The following ZAR1 variants were observed in gnomAD, a reference collection of about 807,000 sequenced individuals.
ZAR1 encodes the protein zygote arrest protein 1.
In ZAR1, 37 loss-of-function variants were observed where a neutral mutation model predicts 38.3. That is an observed-to-expected ratio of 0.97 (90% CI 0.74 to 1.27). The LOEUF (loss-of-function observed/expected upper bound fraction) is 1.27. Ranked by LOEUF, ZAR1 falls within the 50% of genes most tolerant of loss-of-function variation. The pLI, the probability that ZAR1 is intolerant of heterozygous loss-of-function variation, is 0.00. For missense variants in ZAR1, 651 were observed against 632.4 expected, an observed-to-expected ratio of 1.03 and a Z score of -0.32; for synonymous variants, 336 against 292.0, an observed-to-expected ratio of 1.15 and a Z score of -1.53.
Position 48,491,062 on chromosome 4 carries a change from C to T in ZAR1, c.771C>T (p.Ala257=), listed in dbSNP as rs975117399. ...AAVRASWEQP[A]DGPELPPREA... ...TCCGAGCGAGCTGGGAGCAGCCGGC[C>T]GACGGTCCCGAGCTGCCGCCGCGAG... Residue 257 remains alanine, a synonymous_variant, in exon 1 of 4, where the codon GCC becomes GCT. Transcript: ENST00000327939. The T allele has an allele frequency of 6.0e-6, 8 of 1,330,004 alleles. No individual in the cohort carries two copies. The highest frequency in any genetic ancestry group is 1.5e-5 in the African/African-American group (1 of 64,932). 82.4% of individuals were successfully genotyped at this position (1,330,004 alleles called of 1,614,324 possible). A position where few individuals can be genotyped will look rare whatever the true frequency, so the allele number is the denominator to read the frequency against.
At position 48,490,470 on chromosome 4, in the gene ZAR1, C is replaced by G; in HGVS notation, c.179C>G (p.Ser60Trp). ...TCCCCCTGCTCGGCGGGCGCGGCCT[C>G]GTTGTCCTTCCCGGGCTGCGGGCGG... ...ASSPCSAGAA[S>W]LSFPGCGRLT... Residue 60 changes from serine (S) to tryptophan (W), a missense_variant, in exon 1 of 4, where the codon TCG (serine) becomes TGG (tryptophan). By Grantham distance (177) the Ser-to-Trp change is radical (BLOSUM62 -3). This residue lies in a region of ZAR1 where 522 missense variants were observed against 459.9 expected (regional missense o/e 1.14). Coordinates refer to ENST00000327939, the MANE Select transcript of ZAR1 (RefSeq NM_175619.3). 1 of 1,469,398 alleles carries G rather than the reference C, an allele frequency of 6.8e-7. No homozygotes were observed. The highest frequency in any genetic ancestry group is 2.9e-5 in the East Asian group (1 of 34,104). 91.0% of individuals were successfully genotyped at this position (1,469,398 alleles called of 1,614,324 possible). A position where few individuals can be genotyped will look rare whatever the true frequency, so the allele number is the denominator to read the frequency against.
Position 48,494,367 on chromosome 4 carries a change from C to T in ZAR1, c.*123C>T, listed in dbSNP as rs1718529805. On this transcript the variant is annotated 3_prime_UTR_variant, in exon 4 of 4. Transcript: ENST00000327939. ...AGGCAGTGTATTCTGAAAAAGCCTT[C>T]AAATAAAGGTATTGCAACACGATTT... 7.9e-7 allele frequency: 1 copy of T among 1,272,564 alleles called. No individual in the cohort carries two copies. The highest frequency in any genetic ancestry group is 1.5e-5 in the African/African-American group (1 of 67,120). 78.8% of individuals were successfully genotyped at this position (1,272,564 alleles called of 1,614,324 possible).
rs1468571120 is a variant in ZAR1 at position 48,494,346 on chromosome 4, A to T, written c.*102A>T. 1 of 1,455,312 alleles carries T rather than the reference A, an allele frequency of 6.9e-7. No homozygotes were observed. Among genetic ancestry groups the T allele is most frequent in the Non-Finnish European group, 9.4e-7 (1 of 1,060,856 alleles). 90.1% of individuals were successfully genotyped at this position (1,455,312 alleles called of 1,614,324 possible). A position where few individuals can be genotyped will look rare whatever the true frequency, so the allele number is the denominator to read the frequency against. On this transcript the variant is annotated 3_prime_UTR_variant, in exon 4 of 4. Coordinates refer to ENST00000327939, the MANE Select transcript of ZAR1 (RefSeq NM_175619.3). ...CTTCTCAAAATACTTCATGAAAGGCAGTGTATTCTGAAAAAGCCTTCAAAT... is the reference window on the plus strand; with the variant it reads ...CTTCTCAAAATACTTCATGAAAGGCTGTGTATTCTGAAAAAGCCTTCAAAT...
Position 48,490,298 on chromosome 4 carries a change from G to A in ZAR1, c.7G>A (p.Ala3Thr). The change falls in exon 1 of 4, where the codon GCC (alanine) becomes ACC (threonine). Residue 3 changes from alanine (A) to threonine (T), a missense_variant. By Grantham distance (58) the Ala-to-Thr change is moderately conservative. Coordinates refer to ENST00000327939, the MANE Select transcript of ZAR1 (RefSeq NM_175619.3). ...GGGCGGGAGCAGTGCGCCCATGGCG[G>A]CCCTGGGGGACGAGGTGCTGGACGG... MA[A>T]LGDEVLDGYV... is the part of the protein sequence containing the mutation. 1 of 1,503,564 alleles carries A rather than the reference G, an allele frequency of 6.7e-7. No homozygotes were observed. The highest frequency in any genetic ancestry group is 8.8e-7 in the Non-Finnish European group (1 of 1,132,548). The allele number at this position is 1,503,564 out of a possible 1,614,324, so 93.1% of individuals were successfully genotyped here. A position where few individuals can be genotyped will look rare whatever the true frequency, so the allele number is the denominator to read the frequency against.
rs781073506 is a variant in ZAR1 at position 48,490,735 on chromosome 4, C to T, written c.444C>T (p.Gly148=). The change falls in exon 1 of 4, where the codon GGC becomes GGT. Residue 148 remains glycine, a synonymous_variant. Transcript: ENST00000327939. ...CCGGGGCCGAGGGCACCACGGGTGG[C>T]GGCTCTTTCTCCCAGCAGCCATCCC... ...AGPGAEGTTG[G]GSFSQQPSRR... The T allele has an allele frequency of 7.2e-7, 1 of 1,379,804 alleles. No homozygotes were observed. The highest frequency in any genetic ancestry group is 3.0e-5 in the East Asian group (1 of 33,452). The allele number at this position is 1,379,804 out of a possible 1,614,324, so 85.5% of individuals were successfully genotyped here. A position where few individuals can be genotyped will look rare whatever the true frequency, so the allele number is the denominator to read the frequency against.
In ZAR1 at chr4:48,491,093, C is replaced by T. The variant is rs750964713; in HGVS notation, c.802C>T (p.Gln268Ter). Residue 268 changes from glutamine (Q) to a stop codon, truncating the protein, a stop_gained, in exon 1 of 4, where the codon CAG (glutamine) becomes TAG (stop). Transcript: ENST00000327939. LOFTEE classifies it high-confidence loss of function. ...TCCCGAGCTGCCGCCGCGAGAGGCC[C>T]AGGAGGGCGAGGCGGCTCCGCGGTC... ...DGPELPPREA[Q>*]EGEAAPRSAL... is the part of the protein sequence containing the mutation. The T allele has an allele frequency of 3.1e-6, 4 of 1,286,982 alleles. No individual in the cohort carries two copies. Among genetic ancestry groups the T allele is most frequent in the Admixed American group, 8.4e-5 (2 of 23,754 alleles). 79.7% of individuals were successfully genotyped at this position (1,286,982 alleles called of 1,614,324 possible).
Position 48,491,707 on chromosome 4 carries a change from G to A in ZAR1, c.963+453G>A, listed in dbSNP as rs545470075. ...CCTTCAACTGCTGGGATTCTGGTCA[G>A]CAATTCTGATTTCTCCTTTACGAGC... On this transcript the variant is annotated intron_variant, in intron 1 of 3. Coordinates refer to ENST00000327939, the MANE Select transcript of ZAR1 (RefSeq NM_175619.3). Among the ~76,000 whole-genome samples the A allele has an allele frequency of 7.1e-4, 108 of 152,214 alleles. 1 individual carries two copies. The highest frequency in any genetic ancestry group is 1.4e-3 in the Non-Finnish European group (92 of 68,028).
chr4:48,490,698 C>T lies in ZAR1; in HGVS notation c.407C>T (p.Ser136Phe), dbSNP rs1718403381. 2 of 1,318,360 alleles carry T rather than the reference C, an allele frequency of 1.5e-6. No individual in the cohort carries two copies. Among genetic ancestry groups the T allele is most frequent in the African/African-American group, 1.5e-5 (1 of 64,778 alleles). 81.7% of individuals were successfully genotyped at this position (1,318,360 alleles called of 1,614,324 possible). A position where few individuals can be genotyped will look rare whatever the true frequency, so the allele number is the denominator to read the frequency against. Residue 136 changes from serine to phenylalanine, a missense_variant, in exon 1 of 4, where the codon TCC (serine) becomes TTC (phenylalanine). By Grantham distance (155) the Ser-to-Phe change is radical. Coordinates refer to ENST00000327939, the MANE Select transcript of ZAR1 (RefSeq NM_175619.3). ...TLQRRARDPE[S>F]PAGPGAEGTT... The stretch of plus-strand genomic sequence containing the variant: ...CAGCGCCGGGCCCGCGACCCCGAGT[C>T]CCCGGCCGGCCCCGGGGCCGAGGGC...
downstream of ZAR1, among the ~76,000 whole-genome samples, chr4:48,495,302 T>A (rs1336553556): frequency 6.6e-6 from 1 of 152,218 alleles, no homozygotes; most frequent in Non-Finnish European, 1.5e-5. Flanking sequence ...ATGTGCTAAT[T>A]ATGCCTCCAA....
chr4:48,496,331 C>T (rs913880507), downstream of ZAR1, among the ~76,000 whole-genome samples: 14 of 152,028 alleles, frequency 9.2e-5, no homozygotes. Flanking sequence ...GGGTAGGAAA[C>T]CTATTATTTG....
At position 48,490,268 on chromosome 4, in the gene ZAR1, G is replaced by A. The variant is rs1464567559; in HGVS notation, c.-24G>A. The A allele has an allele frequency of 1.3e-6, 2 of 1,486,070 alleles. No individual in the cohort carries two copies. The highest frequency in any genetic ancestry group is 1.3e-5 in the South Asian group (1 of 79,102). The allele number at this position is 1,486,070 out of a possible 1,614,324, so 92.1% of individuals were successfully genotyped here. A position where few individuals can be genotyped will look rare whatever the true frequency, so the allele number is the denominator to read the frequency against. The stretch of plus-strand genomic sequence containing the variant: ...GGGCAAGTCGCCTATTTAGGGTGCG[G>A]CGGCGGGCGGGAGCAGTGCGCCCAT... On this transcript the variant is annotated 5_prime_UTR_variant, in exon 1 of 4. Transcript: ENST00000327939.
chr4:48,497,251 TTTG>T (rs1337820347), downstream of ZAR1: 1 of 152,204 alleles, frequency 6.6e-6, no homozygotes, highest in Non-Finnish European at 1.5e-5. Flanking sequence ...TTGGTATATA[TTTG>T]TTAATAAATG....
rs1303231776 is a variant in ZAR1, at chr4:48,491,083, G to T, written c.792G>T (p.Pro264=). ...CGGCCGACGGTCCCGAGCTGCCGCC[G>T]CGAGAGGCCCAGGAGGGCGAGGCGG... ...EQPADGPELP[P]REAQEGEAAP... Residue 264 remains proline, a synonymous_variant, in exon 1 of 4, where the codon CCG becomes CCT. Coordinates refer to ENST00000327939, the MANE Select transcript of ZAR1 (RefSeq NM_175619.3). 6.1e-6 allele frequency: 8 copies of T among 1,305,704 alleles called. No homozygotes were observed. In the African/African-American group the frequency reaches 1.2e-4, roughly 20 times the overall value. 80.9% of individuals were successfully genotyped at this position (1,305,704 alleles called of 1,614,324 possible).
At chr4:48,493,784 T>G (rs1236322280) in intron 3 of ZAR1, among the ~76,000 whole-genome samples, 1 of 152,246 alleles carries the variant, frequency 6.6e-6, no homozygotes, top group Non-Finnish European at 1.5e-5. Flanking sequence ...TTAACCACTC[T>G]GCTCTTGGTG....
In ZAR1 at chr4:48,491,138, C is replaced by A; in HGVS notation, c.847C>A (p.Gln283Lys). 1 of 1,242,468 alleles carries A rather than the reference C, an allele frequency of 8.0e-7. No homozygotes were observed. Among genetic ancestry groups the A allele is most frequent in the East Asian group, 3.2e-5 (1 of 31,640 alleles). The allele number at this position is 1,242,468 out of a possible 1,614,324, so 77.0% of individuals were successfully genotyped here. Reference protein sequence around the residue: ...APRSALRSPGQPPSAGRARDG... With the variant: ...APRSALRSPGKPPSAGRARDG... ...GCGGTCGGCGCTAAGGAGCCCGGGG[C>A]AACCTCCGTCGGCGGGGAGGGCCCG... Residue 283 changes from glutamine (Q) to lysine (K), a missense_variant, in exon 1 of 4, where the codon CAA becomes AAA. Around this residue, in one of 2 missense-constraint regions of ZAR1, gnomAD observed 522 missense variants for 459.9 expected, o/e 1.14. Transcript: ENST00000327939.
chr4:48,495,809 G>A (rs1718577973), downstream of ZAR1, among the ~76,000 whole-genome samples: 1 of 152,192 alleles, frequency 6.6e-6, no homozygotes, highest in Non-Finnish European at 1.5e-5. Flanking sequence ...AAAATTTCCA[G>A]ATTAGGTTAA....
In ZAR1 at chr4:48,490,438, C is replaced by T. The variant is rs1356253072; in HGVS notation, c.147C>T (p.Pro49=). ...SWQQRGRGCL[P]ASSPCSAGAA... ...AGCAGCGCGGCAGGGGCTGCCTTCC[C>T]GCCTCCTCCCCCTGCTCGGCGGGCG... The change falls in exon 1 of 4, where the codon CCC becomes CCT. Residue 49 remains proline (P), a synonymous_variant. Transcript: ENST00000327939. The T allele has an allele frequency of 1.4e-6, 2 of 1,472,942 alleles. No individual in the cohort carries two copies. Among genetic ancestry groups the T allele is most frequent in the South Asian group, 1.3e-5 (1 of 76,708 alleles). 91.2% of individuals were successfully genotyped at this position (1,472,942 alleles called of 1,614,324 possible).
At position 48,492,526 on chromosome 4, in the gene ZAR1, C is replaced by T. The variant is rs539194492; in HGVS notation, c.964-240C>T. 6.6e-5 allele frequency among the ~76,000 whole-genome samples: 10 copies of T among 152,266 alleles called. 1 individual carries two copies. The highest frequency in any genetic ancestry group is 1.5e-5 in the Non-Finnish European group (1 of 68,020). ...TGTCCCTACTTATTCGTTTATTAGC[C>T]AGCCTTATGAACTGAGTTAATCTGG... On this transcript the variant is annotated intron_variant, in intron 1 of 3. Coordinates refer to ENST00000327939, the MANE Select transcript of ZAR1 (RefSeq NM_175619.3).
At chr4:48,496,747 CAAGAG>C (rs137989330), downstream of ZAR1, among the ~76,000 whole-genome samples, 1 of 152,288 alleles carries the variant, frequency 6.6e-6, no homozygotes, top group East Asian at 1.9e-4. Context: ...CTCTGGGTAT[CAAGAG>C]AAGTAACTGT....
Sources: gnomAD v4.1 joint callset for allele counts (sites outside exome capture counted in the v4.1 genomes callset) on GRCh38, gnomAD v4.1.1 for gene constraint, gnomAD v4.1.1 regional missense constraint, MANE v1.5 for transcripts, NCBI Gene and HGNC (gene_info 2026-07-23, HGNC 2026-07-21) for gene names.